Variants in PTPRN2 observed in about 807,000 individuals in gnomAD.
PTPRN2 encodes the protein protein tyrosine phosphatase receptor type N2.
Under a neutral mutation model 118.8 loss-of-function variants are expected in PTPRN2, and 74 were observed. The ratio of observed to expected loss-of-function variants is 0.62; its 90% CI spans 0.52 to 0.76. PTPRN2 has a LOEUF of 0.76. PTPRN2 is among the 30% of genes least tolerant of loss of function. PTPRN2 has a pLI of 0.00. For missense variants in PTPRN2, 1,481 were observed against 1,394.4 expected, an observed-to-expected ratio of 1.06 and a Z score of -0.99; for synonymous variants, 641 against 608.0, an observed-to-expected ratio of 1.05 and a Z score of -0.80.
chr7:158,078,136 G>C (rs536724486), intron 11 of PTPRN2, among the ~76,000 whole-genome samples: 1 of 152,186 alleles, frequency 6.6e-6, no homozygotes, highest in Non-Finnish European at 1.5e-5. Flanking sequence ...ACCACGTGAC[G>C]TTTGATGGGG....
intron 2 of PTPRN2, among the ~76,000 whole-genome samples, chr7:158,473,461 G>A (rs941006798): frequency 6.6e-6 from 1 of 152,198 alleles, no homozygotes. Flanking sequence ...TGCTGTGTCT[G>A]TGCACCCTGA....
intron 6 of PTPRN2, among the ~76,000 whole-genome samples, chr7:158,157,389 A>C (rs1465010220): frequency 6.6e-6 from 1 of 152,260 alleles, no homozygotes; most frequent in Non-Finnish European, 1.5e-5. Flanking sequence ...CTGGCAGGAA[A>C]GCAGTGACCT....
At chr7:157,661,723 GC>G (rs1339427434) in intron 13 of PTPRN2, among the ~76,000 whole-genome samples, 1 of 152,170 alleles carries the variant, frequency 6.6e-6, no homozygotes, top group Non-Finnish European at 1.5e-5. Context: ...TGGGGCTGAA[GC>G]CCCCCATGCT....
chr7:158,559,411 C>T (rs1470500945), intron 1 of PTPRN2, among the ~76,000 whole-genome samples: 2 of 152,182 alleles, frequency 1.3e-5, no homozygotes, highest in East Asian at 3.8e-4. Flanking sequence ...TCCATCTTTC[C>T]AGGCCAATAC....
At chr7:157,975,701 G>T (rs763278590) in intron 11 of PTPRN2, among the ~76,000 whole-genome samples, 1 of 152,064 alleles carries the variant, frequency 6.6e-6, no homozygotes, top group Admixed American at 6.5e-5. Flanking sequence ...TCCGTGTCTG[G>T]TATTCATGTT....
At chr7:158,025,164 G>T (rs549346561) in intron 11 of PTPRN2, among the ~76,000 whole-genome samples, 38 of 152,274 alleles carry the variant, frequency 2.5e-4, no homozygotes, top group Non-Finnish European at 4.3e-4. Context: ...CACTTTAGGA[G>T]CTCAGAAGAG....
At chr7:158,149,164 C>A (rs1241271163) in intron 6 of PTPRN2, among the ~76,000 whole-genome samples, 2 of 148,700 alleles carry the variant, frequency 1.3e-5, no homozygotes, top group African/African-American at 2.5e-5. Context: ...CTCAGTGACA[C>A]CCCATCTCAC....
At chr7:158,340,375 A>G (rs1200268157) in intron 2 of PTPRN2, among the ~76,000 whole-genome samples, 1 of 72,690 alleles carries the variant, frequency 1.4e-5, no homozygotes. Context: ...GGTCACTCAC[A>G]CCCATACTCT....
chr7:157,576,487 T>TC (rs539035737), intron 19 of PTPRN2, 126 bp downstream of exon 19: 20 of 1,007,014 alleles, frequency 2.0e-5, no homozygotes, highest in East Asian at 1.4e-4. Flanking sequence ...TCCCTTCCCC[T>TC]CCCCCCTGCG....
intron 13 of PTPRN2, among the ~76,000 whole-genome samples, chr7:157,682,322 A>G (rs984435150): frequency 6.6e-6 from 1 of 152,222 alleles, no homozygotes; most frequent in Non-Finnish European, 1.5e-5. Flanking sequence ...ATCTTTTCAC[A>G]GAAGACCCCG....
intron 11 of PTPRN2, among the ~76,000 whole-genome samples, chr7:158,038,417 A>T (rs1296637615): frequency 6.6e-6 from 1 of 152,184 alleles, no homozygotes; most frequent in Non-Finnish European, 1.5e-5. Flanking sequence ...TAAAGATTCT[A>T]AAACTTCAGA....
chr7:158,344,518 T>G (rs1307150334), intron 2 of PTPRN2, among the ~76,000 whole-genome samples: 1 of 143,078 alleles, frequency 7.0e-6, no homozygotes, highest in African/African-American at 2.6e-5. Context: ...CGCCGGCATT[T>G]AATACAAGAC....
intron 2 of PTPRN2, among the ~76,000 whole-genome samples, chr7:158,351,748 G>A (rs895190771): frequency 6.6e-6 from 1 of 152,122 alleles, no homozygotes; most frequent in Admixed American, 6.5e-5. Flanking sequence ...CTGAGTGACA[G>A]ATATCATTTT....
chr7:157,574,467 C>T (rs1163202654), intron 19 of PTPRN2: 2 of 511,650 alleles, frequency 3.9e-6, no homozygotes, highest in African/African-American at 1.9e-5. Flanking sequence ...CCGTGAGCAG[C>T]GTTAGTGAGC....
intron 21 of PTPRN2, among the ~76,000 whole-genome samples, chr7:157,559,570 C>T (rs1298513461): frequency 6.6e-6 from 1 of 152,142 alleles, no homozygotes; most frequent in Non-Finnish European, 1.5e-5. Context: ...GCAAGATGCG[C>T]ACAGAGGACG....
intron 12 of PTPRN2, among the ~76,000 whole-genome samples, chr7:157,842,516 G>A (rs892427096): frequency 6.7e-6 from 1 of 148,204 alleles, no homozygotes; most frequent in African/African-American, 2.5e-5. Context: ...CCGTATTCAA[G>A]TGATTCTCCT....
At position 157,603,773 on chromosome 7, in the gene PTPRN2, C is replaced by T. The variant is rs1246345532; in HGVS notation, c.2418+229G>A. ...CCATTGCTGGATGTTCTACAAGTCA[C>T]GGAACCCACCGCCCAGCGTGAGCCG... On this transcript the variant is annotated intron_variant, in intron 16 of 22. Coordinates refer to ENST00000389418, the MANE Select transcript of PTPRN2 (RefSeq NM_002847.5). This position sits in a 1 kb window ranked among gnomAD's most constrained non-coding sequence, Gnocchi z 5.4. 4.6e-5 allele frequency among the ~76,000 whole-genome samples: 7 copies of T among 152,270 alleles called. No homozygotes were observed. The highest frequency in any genetic ancestry group is 1.3e-4 in the Admixed American group (2 of 15,308).
chr7:157,735,102 G>A (rs1322890618), intron 12 of PTPRN2, among the ~76,000 whole-genome samples: 2 of 152,192 alleles, frequency 1.3e-5, no homozygotes, highest in Non-Finnish European at 2.9e-5. Flanking sequence ...ACCTGCTGGG[G>A]AGCGCCGTGT....
intron 12 of PTPRN2, among the ~76,000 whole-genome samples, chr7:157,894,303 G>T (rs1216884697): frequency 2.6e-5 from 4 of 152,228 alleles, no homozygotes; most frequent in African/African-American, 9.7e-5. Context: ...AGTGGCTCCT[G>T]GACGTTTGGC....
Sources: gnomAD v4.1 joint callset for allele counts (sites outside exome capture counted in the v4.1 genomes callset) on GRCh38, gnomAD v4.1.1 for gene constraint, Gnocchi (gnomAD v3.1) non-coding constraint, MANE v1.5 for transcripts, NCBI Gene and HGNC (gene_info 2026-07-23, HGNC 2026-07-21) for gene names.